TNR: variants seen among roughly 807,000 people sequenced by gnomAD.
The protein encoded by TNR is tenascin-R.
A neutral mutation model predicts 150.4 loss-of-function variants in TNR; 45 were observed. The observed-to-expected ratio is 0.30, with a 90% confidence interval of 0.24 to 0.38. TNR has a LOEUF of 0.38. Ranked by LOEUF, TNR falls within the 10% of genes least tolerant of loss-of-function variation. The pLI, the probability that TNR is intolerant of heterozygous loss-of-function variation, is 1.00. For missense variants in TNR, 1,544 were observed against 1,759.1 expected (o/e 0.88, Z 2.19); for synonymous variants, 687 against 678.4 (o/e 1.01, Z -0.20).
chr1:175,634,663 T>C (rs549912047), intron 1 of TNR, among the ~76,000 whole-genome samples: 2 of 152,186 alleles, frequency 1.3e-5, no homozygotes, highest in East Asian at 3.9e-4. Flanking sequence ...CATCCCCCAA[T>C]ATTCCCTGTC....
At chr1:175,404,828 A>T (rs890638566) in intron 3 of TNR, among the ~76,000 whole-genome samples, 16 of 152,132 alleles carry the variant, frequency 1.1e-4, no homozygotes, top group African/African-American at 3.6e-4. Flanking sequence ...TGACCTGACC[A>T]TTGTCATTGA....
At chr1:175,435,064 T>C (rs747900974) in intron 2 of TNR, among the ~76,000 whole-genome samples, 2 of 152,188 alleles carry the variant, frequency 1.3e-5, no homozygotes, top group African/African-American at 2.4e-5. Flanking sequence ...AAGGACTTAA[T>C]TGAGTTGGGA....
chr1:175,347,042 T>C (rs1320906146), intron 18 of TNR, among the ~76,000 whole-genome samples: 1 of 152,154 alleles, frequency 6.6e-6, no homozygotes, highest in Non-Finnish European at 1.5e-5. Flanking sequence ...CAGTTTCATT[T>C]ATGACTGTAG....
chr1:175,438,439 A>C (rs1053810860), intron 2 of TNR, among the ~76,000 whole-genome samples: 1 of 152,196 alleles, frequency 6.6e-6, no homozygotes, highest in African/African-American at 2.4e-5. Context: ...ATGGACAAAA[A>C]CTGGGAGCAT....
chr1:175,319,604 G>A lies in TNR; in HGVS notation c.*3753C>T, dbSNP rs1264989809. 6.6e-6 allele frequency: 1 copy of A among 152,332 alleles called. No homozygotes were observed. Among genetic ancestry groups the A allele is most frequent in the Non-Finnish European group, 1.5e-5 (1 of 68,036 alleles). The allele number at this position is 152,332 out of a possible 1,614,324, so 9.4% of individuals were successfully genotyped here. On this transcript the variant is annotated 3_prime_UTR_variant, in exon 23 of 23. Transcript: ENST00000367674. ...TTTATGAGTAGTAGAGGGGGAAGTT[G>A]GTAGGTGAGGGACAGGTGGATTCAA...
At chr1:175,373,636 A>G (rs998988306) in intron 9 of TNR, among the ~76,000 whole-genome samples, 3 of 152,180 alleles carry the variant, frequency 2.0e-5, no homozygotes, top group Non-Finnish European at 2.9e-5. Flanking sequence ...CTGTTTCCAG[A>G]TGGAACTTTC....
chr1:175,583,163 C>T lies in TNR; in HGVS notation c.-164-54794G>A, dbSNP rs1571637746. ...GAGGAAATAATTCCTCCTACCTCAACCCCCTAGACTGCCTCCCTAAGGGTG... is the reference window on the plus strand; with the variant it reads ...GAGGAAATAATTCCTCCTACCTCAATCCCCTAGACTGCCTCCCTAAGGGTG... On this transcript the variant is annotated intron_variant, in intron 1 of 22. Transcript: ENST00000367674. 2.6e-5 allele frequency among the ~76,000 whole-genome samples: 4 copies of T among 152,170 alleles called. No homozygotes were observed. In the South Asian group the frequency reaches 8.3e-4, roughly 32 times the overall value.
intron 1 of TNR, among the ~76,000 whole-genome samples, chr1:175,576,498 C>A (rs1363135150): frequency 6.6e-6 from 1 of 152,138 alleles, no homozygotes; most frequent in East Asian, 1.9e-4. Context: ...CAGAAATATT[C>A]TTTCAGGACC....
chr1:175,542,481 T>C (rs1273392413), intron 1 of TNR, among the ~76,000 whole-genome samples: 1 of 152,210 alleles, frequency 6.6e-6, no homozygotes, highest in Non-Finnish European at 1.5e-5. Flanking sequence ...GTTAAATAAA[T>C]GAATGAACAA....
intron 2 of TNR, among the ~76,000 whole-genome samples, chr1:175,496,362 C>A (rs1370515406): frequency 2.0e-5 from 3 of 152,114 alleles, no homozygotes; most frequent in Non-Finnish European, 4.4e-5. Context: ...TCTCTAATAA[C>A]CTGGGTGGGA....
At chr1:175,467,257 C>T (rs1241895062) in intron 2 of TNR, among the ~76,000 whole-genome samples, 1 of 152,006 alleles carries the variant, frequency 6.6e-6, no homozygotes, top group Non-Finnish European at 1.5e-5. Flanking sequence ...AAGGCAGCTT[C>T]TCGCTCTGCC....
At chr1:175,705,344 T>C (rs919246158) in intron 1 of TNR, among the ~76,000 whole-genome samples, 3 of 152,096 alleles carry the variant, frequency 2.0e-5, no homozygotes, top group Admixed American at 1.3e-4. Flanking sequence ...TTTTCTTTTG[T>C]CAAAAATTAA....
At chr1:175,629,624 A>C (rs911699696) in intron 1 of TNR, among the ~76,000 whole-genome samples, 1 of 152,160 alleles carries the variant, frequency 6.6e-6, no homozygotes, top group Non-Finnish European at 1.5e-5. Flanking sequence ...AGAAGGCTGC[A>C]AGGGGTTGCA....
rs2101973901 is a variant in TNR, at chr1:175,319,422, C to T, written c.*3935G>A. ...TTTTGTCCCTTAATCTACAGCTCTGCTCTGAGACTGGATTTGAAAAGTAAA... is the reference window on the plus strand; with the variant it reads ...TTTTGTCCCTTAATCTACAGCTCTGTTCTGAGACTGGATTTGAAAAGTAAA... On this transcript the variant is annotated 3_prime_UTR_variant, in exon 23 of 23. Coordinates refer to ENST00000367674, the MANE Select transcript of TNR (RefSeq NM_003285.3). 6.6e-6 allele frequency: 1 copy of T among 152,344 alleles called. No individual in the cohort carries two copies. Among genetic ancestry groups the T allele is most frequent in the East Asian group, 1.9e-4 (1 of 5,180 alleles). 9.4% of individuals were successfully genotyped at this position (152,344 alleles called of 1,614,324 possible). A position where few individuals can be genotyped will look rare whatever the true frequency, so the allele number is the denominator to read the frequency against.
intron 4 of TNR, among the ~76,000 whole-genome samples, chr1:175,401,671 T>C (rs1388578183): frequency 6.6e-6 from 1 of 152,180 alleles, no homozygotes; most frequent in African/African-American, 2.4e-5. Context: ...ATAATTTAAG[T>C]TGAAGTTACA....
At chr1:175,370,272 G>T (rs1652035071) in intron 9 of TNR, among the ~76,000 whole-genome samples, 1 of 150,394 alleles carries the variant, frequency 6.6e-6, no homozygotes, top group East Asian at 1.9e-4. Context: ...TCCAGTGCCT[G>T]GATCTTAGCG....
intron 1 of TNR, among the ~76,000 whole-genome samples, chr1:175,579,369 A>T (rs1434427104): frequency 6.6e-6 from 1 of 152,120 alleles, no homozygotes; most frequent in Non-Finnish European, 1.5e-5. Context: ...CAGGAAGACA[A>T]GCTTGCTGTG....
chr1:175,711,493 C>T (rs889349959), intron 1 of TNR, among the ~76,000 whole-genome samples: 4 of 152,120 alleles, frequency 2.6e-5, no homozygotes, highest in Admixed American at 2.0e-4. Context: ...TGGAGCAGCA[C>T]CCGGATTGCC....
intron 2 of TNR, among the ~76,000 whole-genome samples, chr1:175,501,894 T>C (rs1394326104): frequency 2.0e-5 from 3 of 152,186 alleles, no homozygotes; most frequent in Non-Finnish European, 4.4e-5. Context: ...AGCCCCTGTC[T>C]TCAAAGCCAG....
Sources: allele counts gnomAD v4.1 joint callset (sites outside exome capture counted in the v4.1 genomes callset), GRCh38; gene constraint gnomAD v4.1.1; transcripts MANE v1.5; gene names NCBI Gene and HGNC (gene_info 2026-07-23, HGNC 2026-07-21).